LPP: variants seen among roughly 807,000 people sequenced by gnomAD.
The protein encoded by LPP is LIM domain containing preferred translocation partner in lipoma, also known as lipoma-preferred partner.
In LPP, 38 loss-of-function variants were observed where a neutral mutation model predicts 60.4. The observed-to-expected ratio is 0.63, with a 90% CI of 0.49 to 0.83. The LOEUF is 0.83. LPP is among the 40% of genes least tolerant of loss of function. The pLI is 0.00. For missense variants in LPP, 902 were observed against 783.6 expected (o/e 1.15, Z -1.80); for synonymous variants, 328 against 290.8 (o/e 1.13, Z -1.30).
At chr3:188,316,759 CAA>C (rs1560238617) in intron 2 of LPP, among the ~76,000 whole-genome samples, 1 of 152,134 alleles carries the variant, frequency 6.6e-6, no homozygotes, top group African/African-American at 2.4e-5. Flanking sequence ...AGAATCAAAA[CAA>C]AAATGCAAAG....
intron 6 of LPP, among the ~76,000 whole-genome samples, chr3:188,564,985 A>C (rs896649157): frequency 7.2e-5 from 11 of 151,864 alleles, no homozygotes; most frequent in Non-Finnish European, 1.3e-4. Flanking sequence ...CTTTTGCTCC[A>C]TTCCATCTCT....
intron 1 of LPP, among the ~76,000 whole-genome samples, chr3:188,209,533 T>C (rs1577307343): frequency 6.6e-6 from 1 of 152,216 alleles, no homozygotes; most frequent in Non-Finnish European, 1.5e-5. Flanking sequence ...TGCTTTCTTA[T>C]TCTGAGAATT....
chr3:188,275,192 A>T (rs934950270), intron 2 of LPP, among the ~76,000 whole-genome samples: 3 of 152,204 alleles, frequency 2.0e-5, no homozygotes, highest in Non-Finnish European at 2.9e-5. Flanking sequence ...ATTAAAACAT[A>T]ACTGTACAGA....
At chr3:188,419,905 T>A (rs538910236) in intron 4 of LPP, among the ~76,000 whole-genome samples, 1 of 152,014 alleles carries the variant, frequency 6.6e-6, no homozygotes, top group East Asian at 1.9e-4. Flanking sequence ...TAAATAAAAA[T>A]AATAAATAAA....
intron 5 of LPP, among the ~76,000 whole-genome samples, chr3:188,514,294 C>T (rs1005036527): frequency 1.3e-5 from 2 of 151,836 alleles, no homozygotes; most frequent in Admixed American, 6.6e-5. Flanking sequence ...CTCTAGTGTT[C>T]GCTTGTTCAT....
chr3:188,242,309 C>A (rs1212331802), intron 2 of LPP, among the ~76,000 whole-genome samples: 1 of 151,870 alleles, frequency 6.6e-6, no homozygotes, highest in East Asian at 1.9e-4. Flanking sequence ...ATCCTCATCA[C>A]CTTTTTAGTT....
In LPP at chr3:188,604,783, A is replaced by T. The variant is rs372713904; in HGVS notation, c.430-4378A>T. Among the ~76,000 whole-genome samples, 14 of 152,296 alleles carry T rather than the reference A, an allele frequency of 9.2e-5. No individual in the cohort carries two copies. The East Asian group carries it at 1.5e-3, about 17-fold the overall frequency. On this transcript the variant is annotated intron_variant, in intron 6 of 11. Transcript: ENST00000617246. ...GCATAATGAGGAAGCAGCAGGGAAT[A>T]AAAAGGACAGTCTCTACTAGTATAG...
At chr3:188,591,798 A>G (rs917851569) in intron 6 of LPP, among the ~76,000 whole-genome samples, 1 of 152,216 alleles carries the variant, frequency 6.6e-6, no homozygotes, top group Non-Finnish European at 1.5e-5. Flanking sequence ...ACAACAATAA[A>G]TGACTGGTCT....
Position 188,835,972 on chromosome 3 carries a change from G to T in LPP, c.1411-30228G>T, listed in dbSNP as rs528911780. Among the ~76,000 whole-genome samples the T allele has an allele frequency of 2.3e-4, 35 of 152,282 alleles. 1 individual carries two copies. Among genetic ancestry groups the T allele is most frequent in the Admixed American group, 1.5e-3 (23 of 15,296 alleles). ...TTTGTATTTTTGATGAGGAACCAAAGGCTTTATTATAGATCTTGTGAATAC... is the reference window on the plus strand; with the variant it reads ...TTTGTATTTTTGATGAGGAACCAAATGCTTTATTATAGATCTTGTGAATAC... On this transcript the variant is annotated intron_variant, in intron 9 of 11. Coordinates refer to ENST00000617246, the MANE Select transcript of LPP (RefSeq NM_001375462.1).
chr3:188,263,531 G>A (rs1734416834), intron 2 of LPP, among the ~76,000 whole-genome samples: 1 of 152,180 alleles, frequency 6.6e-6, no homozygotes, highest in Non-Finnish European at 1.5e-5. Context: ...GTTGTTATGA[G>A]CCACACCTTG....
intron 3 of LPP, among the ~76,000 whole-genome samples, chr3:188,395,652 GC>G (rs1378135174): frequency 6.6e-6 from 1 of 151,960 alleles, no homozygotes; most frequent in Non-Finnish European, 1.5e-5. Context: ...TAAATTACAG[GC>G]CAGGTGTGAT....
intron 7 of LPP, among the ~76,000 whole-genome samples, chr3:188,661,560 T>C (rs1854577082): frequency 6.6e-6 from 1 of 152,224 alleles, no homozygotes; most frequent in South Asian, 2.1e-4. Flanking sequence ...GCAGGCTTAT[T>C]TGCTTATTTG....
rs1769208533 is a variant in LPP, at chr3:188,875,990, A to G, written c.*1511A>G. ...ATTTTAAGTCTACAAAAAGGTATAA[A>G]TAATAATATAATGAATTCCTATATA... is the stretch of plus-strand genomic sequence containing the variant. On this transcript the variant is annotated 3_prime_UTR_variant, in exon 12 of 12. Transcript: ENST00000617246. 1.1e-5 allele frequency: 2 copies of G among 183,234 alleles called. No individual in the cohort carries two copies. The highest frequency in any genetic ancestry group is 2.3e-5 in the Non-Finnish European group (2 of 86,074). 11.4% of individuals were successfully genotyped at this position (183,234 alleles called of 1,614,324 possible). A position where few individuals can be genotyped will look rare whatever the true frequency, so the allele number is the denominator to read the frequency against.
At chr3:188,297,714 A>G (rs1435450493) in intron 2 of LPP, among the ~76,000 whole-genome samples, 1 of 152,226 alleles carries the variant, frequency 6.6e-6, no homozygotes, top group Non-Finnish European at 1.5e-5. Flanking sequence ...GCTAGGTTTC[A>G]TTACCCAGCT....
At chr3:188,243,804 A>G (rs1355255185) in intron 2 of LPP, among the ~76,000 whole-genome samples, 1 of 152,108 alleles carries the variant, frequency 6.6e-6, no homozygotes, top group Non-Finnish European at 1.5e-5. Context: ...GAGGAGGCTA[A>G]CTAGAAAGTT....
chr3:188,322,724 C>T (rs1004287002), intron 2 of LPP, among the ~76,000 whole-genome samples: 6 of 152,112 alleles, frequency 3.9e-5, no homozygotes, highest in Admixed American at 3.3e-4. Flanking sequence ...GTGTTTACTT[C>T]CTGGCTCTGC....
At position 188,351,049 on chromosome 3, in the gene LPP, T is replaced by C. The variant is rs139099806; in HGVS notation, c.-10+9330T>C. 6.0e-3 allele frequency among the ~76,000 whole-genome samples: 907 copies of C among 152,344 alleles called. 3 individuals carry two copies. The highest frequency in any genetic ancestry group is 0.02 in the Middle Eastern group (6 of 294). ...TTTGTTTTATAATTAAACTTTATTT[T>C]GTATTGCCATCTTTCCATGTTTCCA... is the stretch of plus-strand genomic sequence containing the variant. On this transcript the variant is annotated intron_variant, in intron 3 of 11. Transcript: ENST00000617246.
intron 7 of LPP, among the ~76,000 whole-genome samples, chr3:188,642,816 A>T (rs1850417593): frequency 6.6e-6 from 1 of 152,110 alleles, no homozygotes; most frequent in African/African-American, 2.4e-5. Context: ...CATGCCTGTA[A>T]TCCCAGCTAC....
chr3:188,540,880 A>G (rs1824978211), intron 6 of LPP, among the ~76,000 whole-genome samples: 1 of 152,154 alleles, frequency 6.6e-6, no homozygotes, highest in Non-Finnish European at 1.5e-5. Flanking sequence ...CATCTTACTT[A>G]TGATATCTGA....
Sources: allele counts gnomAD v4.1 joint callset (sites outside exome capture counted in the v4.1 genomes callset), GRCh38; gene constraint gnomAD v4.1.1; transcripts MANE v1.5; gene names NCBI Gene and HGNC (gene_info 2026-07-23, HGNC 2026-07-21).